The following IL1RAP variants were observed in gnomAD, a reference collection of about 807,000 sequenced individuals.
IL1RAP encodes the protein interleukin 1 receptor accessory protein, also known as interleukin-1 receptor accessory protein.
In IL1RAP, 35 loss-of-function variants were observed where a neutral mutation model predicts 60.7. That is an observed-to-expected ratio of 0.58 (90% CI 0.44 to 0.76). The LOEUF is 0.76. IL1RAP is among the 30% of genes least tolerant of loss of function. IL1RAP has a pLI of 0.00. For synonymous variants in IL1RAP, 268 were observed against 250.9 expected (o/e 1.07, Z -0.64); for missense variants, 572 against 693.9 (o/e 0.82, Z 1.97).
At chr3:190,538,602 T>C (rs1241169718) in intron 1 of IL1RAP, among the ~76,000 whole-genome samples, 5 of 152,310 alleles carry the variant, frequency 3.3e-5, no homozygotes, top group East Asian at 3.9e-4. Context: ...CCATGATTCT[T>C]GTCGGCACGA....
chr3:190,568,977 C>T (rs1726669493), intron 3 of IL1RAP, among the ~76,000 whole-genome samples: 2 of 152,166 alleles, frequency 1.3e-5, no homozygotes, highest in South Asian at 4.1e-4. Context: ...TCCGTGAGAG[C>T]AGAGAAAGTT....
intron 3 of IL1RAP, among the ~76,000 whole-genome samples, chr3:190,593,053 G>A (rs1577680444): frequency 6.6e-6 from 1 of 151,964 alleles, no homozygotes; most frequent in Non-Finnish European, 1.5e-5. Context: ...ACCGTGGCTT[G>A]TGGATTTCTC....
At chr3:190,518,000 C>G (rs1189770146) in intron 1 of IL1RAP, 2 of 151,350 alleles carry the variant, frequency 1.3e-5, no homozygotes, top group Admixed American at 6.6e-5. Context: ...AAAAAAGAAA[C>G]ACCAAAGAAT....
intron 4 of IL1RAP, among the ~76,000 whole-genome samples, chr3:190,608,021 A>G (rs1045054807): frequency 2.6e-5 from 4 of 152,194 alleles, no homozygotes; most frequent in Admixed American, 6.5e-5. Flanking sequence ...TGCTTATACC[A>G]TTATTGACTC....
chr3:190,605,467 C>G (rs3773949), intron 4 of IL1RAP, among the ~76,000 whole-genome samples: 89,421 of 152,028 alleles, frequency 0.59, 29,467 homozygotes, highest in East Asian at 0.82. Flanking sequence ...GCCAGGCTTG[C>G]CTTTGTTTTC....
chr3:190,634,709 T>TTTTTTTTTG, intron 9 of IL1RAP, among the ~76,000 whole-genome samples: 15 of 139,630 alleles, frequency 1.1e-4, no homozygotes, highest in African/African-American at 3.6e-4. Context: ...CCTGTTGTGT[T>TTTTTTTTTG]TTTTTTTTTG....
intron 5 of IL1RAP, among the ~76,000 whole-genome samples, chr3:190,615,910 T>C (rs10049319): frequency 0.68 from 103,933 of 152,112 alleles, 36,026 homozygotes; most frequent in East Asian, 0.83. Flanking sequence ...AATGCCTGCT[T>C]CTATTTGATT....
chr3:190,610,311 C>T (rs1488024081), intron 5 of IL1RAP, among the ~76,000 whole-genome samples: 2 of 151,840 alleles, frequency 1.3e-5, no homozygotes, highest in Non-Finnish European at 2.9e-5. Context: ...AGCTAAATGA[C>T]ATTTTAAAAT....
Position 190,612,405 on chromosome 3 carries a change from C to G in IL1RAP, c.537+3224C>G, listed in dbSNP as rs531332651. Among the ~76,000 whole-genome samples, 238 of 152,114 alleles carry G rather than the reference C, an allele frequency of 1.6e-3. 1 individual carries two copies. The highest frequency in any genetic ancestry group is 1.3e-3 in the Non-Finnish European group (90 of 67,966). ...TAGTTTTGTTCCCATACACATCCTG[C>G]CGTTTTCTCATCTCCTTTTTTCCTC... On this transcript the variant is annotated intron_variant, in intron 5 of 11. Transcript: ENST00000447382.
chr3:190,645,874 A>G (rs1401087072), intron 11 of IL1RAP, 32 bp downstream of exon 11: 1 of 1,582,316 alleles, frequency 6.3e-7, no homozygotes, highest in Non-Finnish European at 8.6e-7. Flanking sequence ...AAATGATGCT[A>G]CCTTGAAAGG....
intron 3 of IL1RAP, among the ~76,000 whole-genome samples, chr3:190,575,540 G>A (rs973782725): frequency 3.3e-5 from 5 of 152,194 alleles, no homozygotes; most frequent in Admixed American, 2.6e-4. Context: ...AGAATTGAGG[G>A]ATGAGAAAGA....
At chr3:190,597,975 A>C (rs1729526797) in intron 3 of IL1RAP, among the ~76,000 whole-genome samples, 1 of 152,180 alleles carries the variant, frequency 6.6e-6, no homozygotes, top group African/African-American at 2.4e-5. Flanking sequence ...TAATAAGGGC[A>C]CTGTTAAACC....
chr3:190,561,723 C>G (rs932976236), intron 2 of IL1RAP, among the ~76,000 whole-genome samples: 2 of 152,134 alleles, frequency 1.3e-5, no homozygotes, highest in African/African-American at 4.8e-5. Context: ...TCTCTAGTTG[C>G]TCTTTGCTGG....
intron 9 of IL1RAP, among the ~76,000 whole-genome samples, chr3:190,634,350 G>A (rs928934442): frequency 7.4e-5 from 11 of 148,920 alleles, no homozygotes; most frequent in East Asian, 2.0e-4. Flanking sequence ...GTACAGTGGC[G>A]CGATCTCGGC....
intron 1 of IL1RAP, among the ~76,000 whole-genome samples, chr3:190,524,282 A>AT (rs1428003023): frequency 6.6e-6 from 1 of 151,674 alleles, no homozygotes; most frequent in Non-Finnish European, 1.5e-5. Flanking sequence ...AGTTTGCAAA[A>AT]TTTTTCTCCC....
At chr3:190,582,817 G>T (rs2108682926) in intron 3 of IL1RAP, among the ~76,000 whole-genome samples, 1 of 152,294 alleles carries the variant, frequency 6.6e-6, no homozygotes, top group Non-Finnish European at 1.5e-5. Flanking sequence ...CGGCCTATAT[G>T]CTCTTATATG....
intron 3 of IL1RAP, among the ~76,000 whole-genome samples, chr3:190,601,264 G>A (rs1309716615): frequency 1.3e-5 from 2 of 152,182 alleles, no homozygotes; most frequent in Non-Finnish European, 2.9e-5. Flanking sequence ...AATTACAGGC[G>A]TGAGCCACCA....
At chr3:190,644,447 C>T (rs775230724) in intron 10 of IL1RAP, 50 bp downstream of exon 10, 43 of 1,350,628 alleles carry the variant, frequency 3.2e-5, no homozygotes, top group African/African-American at 4.4e-5. Flanking sequence ...ATCTTTAGAA[C>T]ATATGTTGTA....
chr3:190,629,227 T>C (rs1732567944), intron 8 of IL1RAP, 123 bp from the exon 9 acceptor site: 1 of 639,452 alleles, frequency 1.6e-6, no homozygotes. Flanking sequence ...TGGCTCAGCT[T>C]ATCAACCTTC....
Sources: gnomAD v4.1 joint callset for allele counts (sites outside exome capture counted in the v4.1 genomes callset) on GRCh38, gnomAD v4.1.1 for gene constraint, MANE v1.5 for transcripts, NCBI Gene and HGNC (gene_info 2026-07-23, HGNC 2026-07-21) for gene names.